Variants in BICD1 observed in about 807,000 individuals in gnomAD.
BICD1 encodes the protein protein bicaudal D homolog 1.
BICD1 carries 35 observed loss-of-function variants against 92.5 expected under a neutral mutation model. The ratio of observed to expected loss-of-function variants is 0.38; its 90% CI spans 0.29 to 0.50. The LOEUF (loss-of-function observed/expected upper bound fraction) is 0.50, where lower values mean the gene tolerates loss of function less well. Ranked by LOEUF, BICD1 falls within the 20% of genes least tolerant of loss-of-function variation. The pLI, the probability that BICD1 is intolerant of heterozygous loss-of-function variation, is 0.93. For synonymous variants in BICD1, 429 were observed against 465.1 expected, an observed-to-expected ratio of 0.92 and a Z score of 1.00; for missense variants, 950 against 1,189.8, an observed-to-expected ratio of 0.80 and a Z score of 2.97.
At chr12:32,201,299 C>T (rs750431881) in intron 1 of BICD1, among the ~76,000 whole-genome samples, 1 of 152,144 alleles carries the variant, frequency 6.6e-6, no homozygotes, top group African/African-American at 2.4e-5. Flanking sequence ...TTTTCTTGAG[C>T]TGAATCAAAT....
At chr12:32,333,596 G>A (rs1276683377) in intron 5 of BICD1, among the ~76,000 whole-genome samples, 4 of 152,164 alleles carry the variant, frequency 2.6e-5, no homozygotes, top group Non-Finnish European at 5.9e-5. Flanking sequence ...TCATTAGTAT[G>A]GGGTATTTGT....
intron 4 of BICD1, among the ~76,000 whole-genome samples, chr12:32,323,980 G>A (rs1948715037): frequency 6.6e-6 from 1 of 152,170 alleles, no homozygotes; most frequent in South Asian, 2.1e-4. Context: ...AATATTGAGA[G>A]TTAACCTTTT....
chr12:32,241,760 C>A (rs1212482220), intron 2 of BICD1, among the ~76,000 whole-genome samples: 1 of 152,128 alleles, frequency 6.6e-6, no homozygotes, highest in African/African-American at 2.4e-5. Flanking sequence ...CCCAGTGTAT[C>A]CCATCAAATC....
At chr12:32,246,441 C>T (rs1203409531) in intron 2 of BICD1, among the ~76,000 whole-genome samples, 1 of 151,904 alleles carries the variant, frequency 6.6e-6, no homozygotes, top group Non-Finnish European at 1.5e-5. Context: ...GATTAAAGAC[C>T]AGCCTGGACA....
intron 8 of BICD1, among the ~76,000 whole-genome samples, chr12:32,348,335 A>G (rs1938707954): frequency 6.6e-6 from 1 of 152,186 alleles, no homozygotes; most frequent in African/African-American, 2.4e-5. Context: ...TGACTATTTT[A>G]GTACCATTAT....
intron 2 of BICD1, among the ~76,000 whole-genome samples, chr12:32,243,754 T>G (rs1048234740): frequency 6.6e-6 from 1 of 152,174 alleles, no homozygotes; most frequent in Non-Finnish European, 1.5e-5. Context: ...GCAGAGAATA[T>G]CTTTCCCTCT....
chr12:32,193,217 C>T (rs1944627360), intron 1 of BICD1, among the ~76,000 whole-genome samples: 1 of 152,216 alleles, frequency 6.6e-6, no homozygotes, highest in African/African-American at 2.4e-5. Flanking sequence ...CCCCAACCTT[C>T]AACAACCACC....
intron 8 of BICD1, among the ~76,000 whole-genome samples, chr12:32,363,963 A>AT (rs1478550008): frequency 6.6e-6 from 1 of 151,994 alleles, no homozygotes; most frequent in South Asian, 2.1e-4. Context: ...TGCCTGAGAC[A>AT]TCGTAAACAA....
At chr12:32,213,647 CCT>C (rs965693483) in intron 1 of BICD1, among the ~76,000 whole-genome samples, 1 of 152,174 alleles carries the variant, frequency 6.6e-6, no homozygotes, top group African/African-American at 2.4e-5. Context: ...CTGTCTCCCA[CCT>C]CTGTCTCCCA....
chr12:32,296,271 T>A (rs1222497738), intron 3 of BICD1, among the ~76,000 whole-genome samples: 5 of 130,792 alleles, frequency 3.8e-5, no homozygotes, highest in Non-Finnish European at 5.0e-5. Flanking sequence ...TTTTTTTTTT[T>A]TTTGAGAGAC....
At chr12:32,268,175 G>GTATCACAT (rs939109890) in intron 2 of BICD1, among the ~76,000 whole-genome samples, 3 of 152,144 alleles carry the variant, frequency 2.0e-5, no homozygotes, top group African/African-American at 7.2e-5. Context: ...AGCTAGTTAT[G>GTATCACAT]TATCACATCC....
intron 1 of BICD1, among the ~76,000 whole-genome samples, chr12:32,148,428 G>A (rs906989376): frequency 2.0e-5 from 3 of 152,092 alleles, no homozygotes; most frequent in Non-Finnish European, 4.4e-5. Flanking sequence ...CTGACCTCTC[G>A]GCAGTTATAC....
chr12:32,160,526 A>G (rs1943567642), intron 1 of BICD1, among the ~76,000 whole-genome samples: 1 of 152,030 alleles, frequency 6.6e-6, no homozygotes. Context: ...GAGCCTCAAT[A>G]CAGTCTGAAA....
At chr12:32,142,112 A>G (rs1942941692) in intron 1 of BICD1, among the ~76,000 whole-genome samples, 1 of 152,090 alleles carries the variant, frequency 6.6e-6, no homozygotes, top group Non-Finnish European at 1.5e-5. Context: ...GTCAACATAA[A>G]AGTTTATTGA....
chr12:32,107,238 C>T lies in BICD1; in HGVS notation c.-94C>T. ...GGCCGCACTTTCTTTTCCGTTTCCA[C>T]CCATCCCTTCCCATTTCCTTCTCCC... is the stretch of plus-strand genomic sequence containing the variant. On this transcript the variant is annotated 5_prime_UTR_variant, in exon 1 of 10. Coordinates refer to ENST00000652176, the MANE Select transcript of BICD1 (RefSeq NM_001714.4). 2 of 1,188,006 alleles carry T rather than the reference C, an allele frequency of 1.7e-6. No individual in the cohort carries two copies. The highest frequency in any genetic ancestry group is 2.4e-6 in the Non-Finnish European group (2 of 844,666). The allele number at this position is 1,188,006 out of a possible 1,614,324, so 73.6% of individuals were successfully genotyped here.
At chr12:32,248,906 A>G (rs1259270335) in intron 2 of BICD1, among the ~76,000 whole-genome samples, 3 of 152,218 alleles carry the variant, frequency 2.0e-5, no homozygotes, top group Non-Finnish European at 4.4e-5. Context: ...TCCAGTGCGC[A>G]TGTGGGCCCT....
Position 32,315,356 on chromosome 12 carries a change from C to T in BICD1, c.1005+9234C>T, listed in dbSNP as rs11051926. ...TGTTTTTATGCCAATACTATAGTAT[C>T]TTGATTATAGTTTTTTTGTAGCAAT... On this transcript the variant is annotated intron_variant, in intron 4 of 9. Coordinates refer to ENST00000652176, the MANE Select transcript of BICD1 (RefSeq NM_001714.4). Among the ~76,000 whole-genome samples the T allele has an allele frequency of 0.023, 3,519 of 152,166 alleles. 252 individuals are homozygous for T. The East Asian group carries it at 0.27, about 12-fold the overall frequency.
At chr12:32,181,188 G>A (rs113451554) in intron 1 of BICD1, among the ~76,000 whole-genome samples, 6 of 151,766 alleles carry the variant, frequency 4.0e-5, no homozygotes, top group African/African-American at 1.5e-4. Flanking sequence ...GGGAGGCCGA[G>A]GGGGGTGGAT....
intron 2 of BICD1, among the ~76,000 whole-genome samples, chr12:32,222,236 G>A (rs1216242424): frequency 6.6e-6 from 1 of 152,170 alleles, no homozygotes; most frequent in East Asian, 1.9e-4. Context: ...CCCTTCAGGT[G>A]GAATGCAGAA....
Sources: allele counts gnomAD v4.1 joint callset (sites outside exome capture counted in the v4.1 genomes callset), GRCh38; gene constraint gnomAD v4.1.1; transcripts MANE v1.5; gene names NCBI Gene and HGNC (gene_info 2026-07-23, HGNC 2026-07-21).